Variants in TAFA5 observed in about 807,000 individuals in gnomAD.
The protein encoded by TAFA5 is chemokine-like protein TAFA-5.
In TAFA5, 6 loss-of-function variants were observed where a neutral mutation model predicts 15.3. That is an observed-to-expected ratio of 0.39 (90% CI 0.21 to 0.77). TAFA5 has a LOEUF of 0.77. Ranked by LOEUF, TAFA5 falls within the 30% of genes least tolerant of loss-of-function variation. TAFA5 has a pLI of 0.41. For synonymous variants in TAFA5, 103 were observed against 80.7 expected (o/e 1.28, Z -1.48); for missense variants, 161 against 193.1 (o/e 0.83, Z 0.98).
intron 1 of TAFA5, among the ~76,000 whole-genome samples, chr22:48,541,478 C>G (rs1259622954): frequency 1.3e-5 from 2 of 152,180 alleles, no homozygotes; most frequent in Non-Finnish European, 2.9e-5. Flanking sequence ...TGGAGTCTGC[C>G]TCTCTCAGGG....
At chr22:48,592,468 C>T (rs1924605097) in intron 1 of TAFA5, among the ~76,000 whole-genome samples, 1 of 152,248 alleles carries the variant, frequency 6.6e-6, no homozygotes, top group Admixed American at 6.5e-5. Flanking sequence ...ACTCAGCTCT[C>T]TGCTGTCCTT....
chr22:48,630,984 G>A (rs1418436056), intron 1 of TAFA5, among the ~76,000 whole-genome samples: 2 of 152,202 alleles, frequency 1.3e-5, no homozygotes, highest in Non-Finnish European at 1.5e-5. Context: ...GGAACTCGGC[G>A]TGTCCTGCAG....
chr22:48,625,334 G>A (rs919601602), intron 1 of TAFA5, among the ~76,000 whole-genome samples: 3 of 152,146 alleles, frequency 2.0e-5, no homozygotes, highest in East Asian at 1.9e-4. Context: ...TCACTCGGGC[G>A]TCTCCAACTC....
At chr22:48,498,011 C>G (rs1329019042) in intron 1 of TAFA5, among the ~76,000 whole-genome samples, 7 of 25,890 alleles carry the variant, frequency 2.7e-4, no homozygotes, top group Admixed American at 3.7e-4. Flanking sequence ...CACCTGGAGG[C>G]GGGGCTGAAG....
intron 2 of TAFA5, among the ~76,000 whole-genome samples, chr22:48,698,102 G>T (rs1053577913): frequency 6.6e-6 from 1 of 150,860 alleles, no homozygotes; most frequent in African/African-American, 2.4e-5. Context: ...AATGGTGGTG[G>T]TGGTGGTGGT....
At chr22:48,551,368 T>G (rs940332626) in intron 1 of TAFA5, among the ~76,000 whole-genome samples, 3 of 152,206 alleles carry the variant, frequency 2.0e-5, no homozygotes, top group African/African-American at 7.2e-5. Flanking sequence ...GCCAGCCCCG[T>G]CTAGCCCCAG....
At chr22:48,710,572 C>T (rs972139954) in intron 3 of TAFA5, among the ~76,000 whole-genome samples, 2 of 152,228 alleles carry the variant, frequency 1.3e-5, no homozygotes, top group African/African-American at 4.8e-5. Flanking sequence ...CCAGGTCTGC[C>T]TGGCCAGCAT....
At chr22:48,604,427 G>A (rs1006704284) in intron 1 of TAFA5, among the ~76,000 whole-genome samples, 8 of 152,216 alleles carry the variant, frequency 5.3e-5, no homozygotes, top group Non-Finnish European at 1.2e-4. Flanking sequence ...GAGCCGCCGT[G>A]GTGGTGGGGA....
At chr22:48,740,971 C>T (rs919240998) in intron 3 of TAFA5, among the ~76,000 whole-genome samples, 2 of 152,124 alleles carry the variant, frequency 1.3e-5, no homozygotes, top group Non-Finnish European at 1.5e-5. Context: ...CCCGAGTCAG[C>T]GCTCAGGGAG....
intron 1 of TAFA5, among the ~76,000 whole-genome samples, chr22:48,534,767 C>T (rs1279157654): frequency 5.3e-5 from 8 of 152,176 alleles, no homozygotes; most frequent in South Asian, 2.1e-4. Context: ...GCACCGCGGG[C>T]GCACCTGCAC....
At chr22:48,722,685 C>A (rs920836838) in intron 3 of TAFA5, among the ~76,000 whole-genome samples, 23 of 152,294 alleles carry the variant, frequency 1.5e-4, no homozygotes, top group African/African-American at 5.3e-4. Context: ...GCCATGTACC[C>A]CAGAACTTAA....
chr22:48,550,275 G>T lies in TAFA5; in HGVS notation c.112+60571G>T, dbSNP rs1922813029. Among the ~76,000 whole-genome samples the T allele has an allele frequency of 6.6e-6, 1 of 152,250 alleles. No homozygotes were observed. The highest frequency in any genetic ancestry group is 2.4e-5 in the African/African-American group (1 of 41,470). On this transcript the variant is annotated intron_variant, in intron 1 of 3. Transcript: ENST00000402357. The surrounding 1 kb of genome is among the most constrained non-coding windows in gnomAD (Gnocchi z 4.1). ...ATGGCGCATCTGGCCGGGATAAGGT[G>T]TAGGCCTGGGAGAACAGGGTCAGTG...
intron 1 of TAFA5, among the ~76,000 whole-genome samples, chr22:48,624,778 G>A (rs761220573): frequency 1.3e-5 from 2 of 152,140 alleles, no homozygotes; most frequent in Non-Finnish European, 2.9e-5. Flanking sequence ...GGGAGTGTGG[G>A]TTTCTTTCAT....
intron 1 of TAFA5, among the ~76,000 whole-genome samples, chr22:48,570,445 CCTT>C (rs1345363206): frequency 6.6e-6 from 1 of 152,198 alleles, no homozygotes; most frequent in Non-Finnish European, 1.5e-5. Context: ...GATTTCACCT[CCTT>C]CTTCCTGGCA....
At chr22:48,690,410 C>T (rs983536310) in intron 2 of TAFA5, among the ~76,000 whole-genome samples, 1 of 152,034 alleles carries the variant, frequency 6.6e-6, no homozygotes, top group South Asian at 2.1e-4. Flanking sequence ...GCCACACAGC[C>T]GTACCAGGGC....
chr22:48,578,736 C>T (rs1923915325), intron 1 of TAFA5, among the ~76,000 whole-genome samples: 1 of 152,238 alleles, frequency 6.6e-6, no homozygotes, highest in South Asian at 2.1e-4. Flanking sequence ...TTGAGCCCTG[C>T]TGCCTGTCTG....
intron 1 of TAFA5, among the ~76,000 whole-genome samples, chr22:48,567,676 C>T (rs967675630): frequency 6.6e-6 from 1 of 152,306 alleles, no homozygotes; most frequent in East Asian, 1.9e-4. Flanking sequence ...AACTCACCAG[C>T]TGGTCACATA....
At chr22:48,506,355 A>G (rs781082799) in intron 1 of TAFA5, among the ~76,000 whole-genome samples, 16 of 152,254 alleles carry the variant, frequency 1.1e-4, no homozygotes, top group Non-Finnish European at 1.9e-4. Flanking sequence ...CCATGGGGGA[A>G]CATGGGCACC....
At chr22:48,724,984 G>C (rs569376117) in intron 3 of TAFA5, among the ~76,000 whole-genome samples, 1 of 152,240 alleles carries the variant, frequency 6.6e-6, no homozygotes, top group Non-Finnish European at 1.5e-5. Context: ...GGCCAGGGGC[G>C]CACCAGGAAC....
Sources: gnomAD v4.1 joint callset for allele counts (sites outside exome capture counted in the v4.1 genomes callset) on GRCh38, gnomAD v4.1.1 for gene constraint, Gnocchi (gnomAD v3.1) non-coding constraint, MANE v1.5 for transcripts, NCBI Gene and HGNC (gene_info 2026-07-23, HGNC 2026-07-21) for gene names.